The following CNTNAP5 variants were observed in gnomAD, a reference collection of about 807,000 sequenced individuals.
CNTNAP5 encodes contactin-associated protein-like 5.
A neutral mutation model predicts 150.2 loss-of-function variants in CNTNAP5; 72 were observed. That is an observed-to-expected ratio of 0.48 (90% CI 0.40 to 0.58). The LOEUF (loss-of-function observed/expected upper bound fraction) is 0.58. Ranked by LOEUF, CNTNAP5 falls within the 20% of genes least tolerant of loss-of-function variation. The pLI, the probability that CNTNAP5 is intolerant of heterozygous loss-of-function variation, is 0.00. For synonymous variants in CNTNAP5, 672 were observed against 619.8 expected, an observed-to-expected ratio of 1.08 and a Z score of -1.25; for missense variants, 1,636 against 1,626.2, an observed-to-expected ratio of 1.01 and a Z score of -0.10.
chr2:124,668,405 G>A lies in CNTNAP5; in HGVS notation c.2077+20447G>A, dbSNP rs1678743973. Among the ~76,000 whole-genome samples, 5 of 152,272 alleles carry A rather than the reference G, an allele frequency of 3.3e-5. No homozygotes were observed. The South Asian group carries it at 1.0e-3, about 32-fold the overall frequency. On this transcript the variant is annotated intron_variant, in intron 13 of 23. Coordinates refer to ENST00000682447, the MANE Select transcript of CNTNAP5 (RefSeq NM_001367498.1). ...TGACAAGCATTCCAGAGGCATTGAGGGGCAAGGAGGAAATTGAGCATGTGT... is the reference window on the plus strand; with the variant it reads ...TGACAAGCATTCCAGAGGCATTGAGAGGCAAGGAGGAAATTGAGCATGTGT...
chr2:124,518,877 T>G (rs994231553), intron 8 of CNTNAP5, among the ~76,000 whole-genome samples: 1 of 151,192 alleles, frequency 6.6e-6, no homozygotes, highest in Non-Finnish European at 1.5e-5. Context: ...TGATCCCAGC[T>G]ACTCAGGAGG....
chr2:124,747,614 C>CTTT (rs11351693), intron 14 of CNTNAP5, among the ~76,000 whole-genome samples: 20 of 53,250 alleles, frequency 3.8e-4, no homozygotes, highest in African/African-American at 1.1e-3. Context: ...GCTGCTTCTT[C>CTTT]TTTTTTTTTT....
At chr2:124,749,159 C>T (rs1424711030) in intron 14 of CNTNAP5, among the ~76,000 whole-genome samples, 1 of 152,060 alleles carries the variant, frequency 6.6e-6, no homozygotes, top group Non-Finnish European at 1.5e-5. Flanking sequence ...GTTGTGCTGC[C>T]GTAAAACATA....
chr2:124,795,582 A>G (rs550354494), intron 18 of CNTNAP5, among the ~76,000 whole-genome samples: 1 of 152,244 alleles, frequency 6.6e-6, no homozygotes, highest in South Asian at 2.1e-4. Context: ...CAATGGCGCA[A>G]TCTCAGCTCA....
chr2:124,749,377 CCCTT>C (rs201144835), intron 14 of CNTNAP5, among the ~76,000 whole-genome samples: 359 of 147,544 alleles, frequency 2.4e-3, no homozygotes, highest in African/African-American at 6.0e-3. Flanking sequence ...TTCCCTCTCT[CCCTT>C]CCTTCCTTCC....
chr2:124,359,474 G>A (rs1573940145), intron 3 of CNTNAP5, among the ~76,000 whole-genome samples: 1 of 151,804 alleles, frequency 6.6e-6, no homozygotes, highest in Non-Finnish European at 1.5e-5. Flanking sequence ...ACACGGCTTT[G>A]AATGCGTCAC....
At chr2:124,049,326 C>A in intron 1 of CNTNAP5, among the ~76,000 whole-genome samples, 1 of 152,150 alleles carries the variant, frequency 6.6e-6, no homozygotes, top group Non-Finnish European at 1.5e-5. Context: ...CAGAAAGGCA[C>A]ACCGCTTACT....
At chr2:124,475,381 C>G (rs1277471849) in intron 7 of CNTNAP5, among the ~76,000 whole-genome samples, 1 of 152,040 alleles carries the variant, frequency 6.6e-6, no homozygotes, top group East Asian at 1.9e-4. Context: ...TAACATTTGT[C>G]TTCCCTAATA....
chr2:124,380,677 A>T (rs1690768914), intron 3 of CNTNAP5, among the ~76,000 whole-genome samples: 1 of 152,068 alleles, frequency 6.6e-6, no homozygotes, highest in Non-Finnish European at 1.5e-5. Context: ...GTATCCAATA[A>T]ATCTCCCTCC....
intron 19 of CNTNAP5, among the ~76,000 whole-genome samples, chr2:124,842,145 A>G (rs952534014): frequency 2.6e-5 from 4 of 152,134 alleles, no homozygotes; most frequent in African/African-American, 9.7e-5. Context: ...CCTAATGACT[A>G]TTGCCTTCAA....
At chr2:124,545,885 A>G in intron 10 of CNTNAP5, among the ~76,000 whole-genome samples, 1 of 152,310 alleles carries the variant, frequency 6.6e-6, no homozygotes, top group South Asian at 2.1e-4. Context: ...TCAGCTCAGG[A>G]GTTCAAGATT....
intron 9 of CNTNAP5, among the ~76,000 whole-genome samples, chr2:124,526,328 A>T (rs539300911): frequency 9.9e-5 from 15 of 152,098 alleles, no homozygotes; most frequent in Admixed American, 9.8e-4. Flanking sequence ...CTACAGCTTC[A>T]ATTAGAAGTT....
At chr2:124,726,684 T>C (rs954560850) in intron 13 of CNTNAP5, among the ~76,000 whole-genome samples, 1 of 152,040 alleles carries the variant, frequency 6.6e-6, no homozygotes, top group African/African-American at 2.4e-5. Flanking sequence ...TATTTATTTA[T>C]TTATTGCTAT....
intron 13 of CNTNAP5, among the ~76,000 whole-genome samples, chr2:124,703,391 T>C (rs1558741569): frequency 6.6e-6 from 1 of 152,168 alleles, no homozygotes; most frequent in Non-Finnish European, 1.5e-5. Context: ...ATGTCATATA[T>C]TACAGGTCTA....
intron 3 of CNTNAP5, among the ~76,000 whole-genome samples, chr2:124,341,615 C>T (rs537740786): frequency 8.1e-4 from 124 of 152,182 alleles, no homozygotes; most frequent in African/African-American, 2.8e-3. Flanking sequence ...TTAAGGTGAA[C>T]GAGTCTTTAA....
intron 3 of CNTNAP5, among the ~76,000 whole-genome samples, chr2:124,375,160 A>G (rs940788967): frequency 1.6e-4 from 25 of 152,218 alleles, no homozygotes; most frequent in African/African-American, 5.8e-4. Flanking sequence ...TCATCTATGC[A>G]TGGTAAAATT....
intron 1 of CNTNAP5, among the ~76,000 whole-genome samples, chr2:124,214,937 G>A (rs1275442622): frequency 6.6e-6 from 1 of 152,134 alleles, no homozygotes; most frequent in Non-Finnish European, 1.5e-5. Context: ...TGTATTTTTG[G>A]TCTACTAATT....
At chr2:124,073,609 G>C (rs1354104850) in intron 1 of CNTNAP5, among the ~76,000 whole-genome samples, 1 of 152,088 alleles carries the variant, frequency 6.6e-6, no homozygotes, top group Non-Finnish European at 1.5e-5. Flanking sequence ...CTGATCATCA[G>C]ATAAATGCAA....
intron 1 of CNTNAP5, among the ~76,000 whole-genome samples, chr2:124,207,100 G>A (rs2104718776): frequency 6.6e-6 from 1 of 152,272 alleles, no homozygotes; most frequent in Non-Finnish European, 1.5e-5. Context: ...AAAGAAACGA[G>A]AATCCCTTCC....
Sources: gnomAD v4.1 joint callset for allele counts (sites outside exome capture counted in the v4.1 genomes callset) on GRCh38, gnomAD v4.1.1 for gene constraint, MANE v1.5 for transcripts, NCBI Gene and HGNC (gene_info 2026-07-23, HGNC 2026-07-21) for gene names.